The following PTPN20 variants were observed in gnomAD, a reference collection of about 807,000 sequenced individuals.
PTPN20 encodes the protein protein tyrosine phosphatase non-receptor type 20, also known as tyrosine-protein phosphatase non-receptor type 20.
A neutral mutation model predicts 35.0 loss-of-function variants in PTPN20; 9 were observed. The observed-to-expected ratio is 0.26, with a 90% CI of 0.15 to 0.45. The LOEUF (loss-of-function observed/expected upper bound fraction) is 0.45. Ranked by LOEUF, PTPN20 falls within the 20% of genes least tolerant of loss-of-function variation. The pLI, the probability that PTPN20 is intolerant of heterozygous loss-of-function variation, is 1.00. For missense variants in PTPN20, 111 were observed against 312.5 expected, an observed-to-expected ratio of 0.36 and a Z score of 4.86; for synonymous variants, 32 against 100.2, an observed-to-expected ratio of 0.32 and a Z score of 4.06.
At chr10:47,000,602 A>G (rs1213603296) in intron 10 of PTPN20, 74 bp from the exon 11 acceptor site, 16 of 1,572,660 alleles carry the variant, frequency 1.0e-5, no homozygotes, top group Admixed American at 1.7e-5. Flanking sequence ...GAAAATTACA[A>G]ATGTGTTTTC....
At chr10:46,920,466 C>G (rs573105153) in intron 1 of PTPN20, among the ~76,000 whole-genome samples, 131 of 150,038 alleles carry the variant, frequency 8.7e-4, no homozygotes, top group Non-Finnish European at 1.5e-3. Context: ...ACTCCCCAGA[C>G]TCAGGGCTTA....
At chr10:46,988,102 C>G (rs1172740491) in intron 9 of PTPN20, among the ~76,000 whole-genome samples, 1 of 152,252 alleles carries the variant, frequency 6.6e-6, no homozygotes, top group African/African-American at 2.4e-5. Context: ...ATTCACAATC[C>G]TTTACTTTTG....
intron 9 of PTPN20, among the ~76,000 whole-genome samples, chr10:46,997,607 A>G (rs1233997387): frequency 1.3e-4 from 19 of 151,808 alleles, no homozygotes; most frequent in Admixed American, 5.2e-4. Flanking sequence ...GAAAGACCCA[A>G]TGAAGAGGAT....
intron 5 of PTPN20, chr10:46,947,704 CT>C (rs2045388755): frequency 2.9e-6 from 1 of 350,634 alleles, no homozygotes. Context: ...TTACTTTTGT[CT>C]TTTTCAAGGT....
Position 46,930,844 on chromosome 10 carries a change from TC to T in PTPN20, c.-123-1530del, listed in dbSNP as rs1555118332. 1.4e-5 allele frequency among the ~76,000 whole-genome samples: 2 copies of T among 138,614 alleles called. 1 individual carries two copies. Among genetic ancestry groups the T allele is most frequent in the Non-Finnish European group, 3.0e-5 (2 of 66,132 alleles). 90.9% of individuals were successfully genotyped at this position (138,614 alleles called of 152,430 possible). On this transcript the variant is annotated intron_variant, in intron 1 of 10. Coordinates refer to ENST00000374339, the MANE Select transcript of PTPN20 (RefSeq NM_001042357.5). Reference sequence around the variant, plus strand: ...TCGAACTCTTGAGCTCAAGTGATCTTCCCACCTCGGCCTCCCAAAGTGCTGG... The same window carrying T: ...TCGAACTCTTGAGCTCAAGTGATCTTCCACCTCGGCCTCCCAAAGTGCTGG...
At position 47,001,404 on chromosome 10, in the gene PTPN20, A is replaced by G. The variant is rs1221543421; in HGVS notation, c.*663A>G. ...GAGAGCTCCTCTCGGTGAACAGTCC[A>G]AAACTAAAATAGATGTTTATATAGA... On this transcript the variant is annotated 3_prime_UTR_variant, in exon 11 of 11. Transcript: ENST00000374339. 1 of 153,060 alleles carries G rather than the reference A, an allele frequency of 6.5e-6. No individual in the cohort carries two copies. Among genetic ancestry groups the G allele is most frequent in the African/African-American group, 2.4e-5 (1 of 41,432 alleles). 9.5% of individuals were successfully genotyped at this position (153,060 alleles called of 1,614,324 possible).
At chr10:46,951,323 ACTT>A (rs1281234941) in intron 5 of PTPN20, among the ~76,000 whole-genome samples, 3 of 151,838 alleles carry the variant, frequency 2.0e-5, no homozygotes, top group Non-Finnish European at 4.4e-5. Context: ...ATGTTTATTA[ACTT>A]CTTCTTGGAT....
intron 5 of PTPN20, among the ~76,000 whole-genome samples, chr10:46,953,335 T>C (rs1420698370): frequency 8.8e-6 from 1 of 113,406 alleles, no homozygotes; most frequent in Admixed American, 9.2e-5. Flanking sequence ...CTTTCATTTC[T>C]TTTCTTTCTT....
At chr10:46,953,603 G>A (rs1221658822) in intron 5 of PTPN20, among the ~76,000 whole-genome samples, 1 of 136,026 alleles carries the variant, frequency 7.4e-6, no homozygotes, top group African/African-American at 3.2e-5. Context: ...CTAGTTTCCC[G>A]GAGTTATTAT....
At position 46,984,018 on chromosome 10, in the gene PTPN20, C is replaced by T. The variant is rs1431420143; in HGVS notation, c.584-212C>T. 2.6e-5 allele frequency among the ~76,000 whole-genome samples: 4 copies of T among 151,744 alleles called. No individual in the cohort carries two copies. The East Asian group carries it at 7.7e-4, about 29-fold the overall frequency. ...AAACTGATTTGAAAAATAAACATCC[C>T]ATAATTGTATATTTCTTAGGTCATG... On this transcript the variant is annotated intron_variant, in intron 7 of 10. Coordinates refer to ENST00000374339, the MANE Select transcript of PTPN20 (RefSeq NM_001042357.5).
chr10:46,998,465 C>T (rs1177748830), intron 9 of PTPN20, among the ~76,000 whole-genome samples: 1 of 152,156 alleles, frequency 6.6e-6, no homozygotes, highest in Non-Finnish European at 1.5e-5. Flanking sequence ...GAACAGATTA[C>T]TATTTTCCAA....
intron 3 of PTPN20, among the ~76,000 whole-genome samples, chr10:46,941,639 C>T (rs1456974419): frequency 6.7e-6 from 1 of 148,762 alleles, no homozygotes; most frequent in African/African-American, 2.5e-5. Context: ...TCTTATTTGA[C>T]TTCTTCTAGA....
chr10:46,940,648 T>C lies in PTPN20; in HGVS notation c.60T>C (p.Ser20=), dbSNP rs1488983216. The C allele has an allele frequency of 1.9e-5, 31 of 1,611,244 alleles. No homozygotes were observed. The East Asian group carries it at 6.9e-4, about 36-fold the overall frequency. The change falls in exon 3 of 11, where the codon TCT becomes TCC. Residue 20 remains serine (S), a synonymous_variant. Transcript: ENST00000374339. ...EPVNDYEGND[S]EAEDLNFRET... is the part of the protein sequence containing the mutation. ...TAAACGATTATGAGGGAAATGACTCTGAAGCAGAAGACTTGAATTTCAGGG... is the reference window on the plus strand; with the variant it reads ...TAAACGATTATGAGGGAAATGACTCCGAAGCAGAAGACTTGAATTTCAGGG...
downstream of PTPN20, among the ~76,000 whole-genome samples, chr10:47,002,959 G>A (rs1590089489): frequency 1.3e-5 from 2 of 151,876 alleles, no homozygotes; most frequent in East Asian, 1.9e-4. Flanking sequence ...AAAGTCTAAA[G>A]CAAAATACTT....
At chr10:46,937,348 A>T in intron 2 of PTPN20, among the ~76,000 whole-genome samples, 1 of 150,728 alleles carries the variant, frequency 6.6e-6, no homozygotes, top group Non-Finnish European at 1.5e-5. Context: ...CATGAATGTG[A>T]TTTTTCTATA....
intron 7 of PTPN20, among the ~76,000 whole-genome samples, chr10:46,983,437 C>T (rs1363477854): frequency 2.0e-5 from 3 of 151,616 alleles, no homozygotes; most frequent in Non-Finnish European, 4.4e-5. Flanking sequence ...GAAGGGCCTC[C>T]TTTGCTGTGT....
intron 1 of PTPN20, 82 bp downstream of exon 1, chr10:46,911,583 A>G (rs1414938235): frequency 9.7e-6 from 2 of 205,648 alleles, no homozygotes; most frequent in Non-Finnish European, 1.8e-5. Flanking sequence ...GCGGGCGTGA[A>G]GAAGGAAGAT....
chr10:46,939,390 CTT>C (rs2042734097), intron 2 of PTPN20, among the ~76,000 whole-genome samples: 1 of 125,686 alleles, frequency 8.0e-6, no homozygotes. Context: ...TAGCTGTGCC[CTT>C]TCTCATTTTT....
chr10:46,940,930 G>A (rs1252112580), intron 3 of PTPN20, among the ~76,000 whole-genome samples: 2 of 151,946 alleles, frequency 1.3e-5, no homozygotes, highest in East Asian at 3.9e-4. Context: ...TGCTACTCTG[G>A]AAATTTTACA....
Sources: allele counts gnomAD v4.1 joint callset (sites outside exome capture counted in the v4.1 genomes callset), GRCh38; gene constraint gnomAD v4.1.1; transcripts MANE v1.5; gene names NCBI Gene and HGNC (gene_info 2026-07-23, HGNC 2026-07-21).